The following PARD3 variants were observed in gnomAD, a reference collection of about 807,000 sequenced individuals.
PARD3 encodes par-3 family cell polarity regulator, also known as partitioning defective 3 homolog.
In PARD3, 75 loss-of-function variants were observed where a neutral mutation model predicts 155.4. That is an observed-to-expected ratio of 0.48 (90% confidence interval 0.40 to 0.58). PARD3 has a LOEUF of 0.58. Ranked by LOEUF, PARD3 falls within the 20% of genes least tolerant of loss-of-function variation. The pLI, the probability that PARD3 is intolerant of heterozygous loss-of-function variation, is 0.00. For synonymous variants in PARD3, 576 were observed against 610.5 expected (o/e 0.94, Z 0.83); for missense variants, 1,642 against 1,721.7 (o/e 0.95, Z 0.82).
chr10:34,616,014 G>A (rs1016527174), intron 2 of PARD3, among the ~76,000 whole-genome samples: 2 of 152,136 alleles, frequency 1.3e-5, no homozygotes, highest in African/African-American at 4.8e-5. Context: ...AATTAGTACA[G>A]CAATTATAGA....
At chr10:34,637,551 G>C (rs2092525442) in intron 2 of PARD3, among the ~76,000 whole-genome samples, 1 of 152,106 alleles carries the variant, frequency 6.6e-6, no homozygotes, top group Non-Finnish European at 1.5e-5. Flanking sequence ...TTTGTCACTG[G>C]GGGTTTCAGC....
rs541810157 is a variant in PARD3 at position 34,274,485 on chromosome 10, G to A, written c.3177-4586C>T. Among the ~76,000 whole-genome samples the A allele has an allele frequency of 5.3e-5, 8 of 152,128 alleles. No individual in the cohort carries two copies. The South Asian group carries it at 1.2e-3, about 24-fold the overall frequency. ...ATGAGTTCTTTCTTACATTCAATGG[G>A]ATATTAATTTGAAACTCAATTATGA... On this transcript the variant is annotated intron_variant, in intron 21 of 24. Coordinates refer to ENST00000374788, the MANE Select transcript of PARD3 (RefSeq NM_001184785.2).
chr10:34,631,900 G>A (rs897986992), intron 2 of PARD3, among the ~76,000 whole-genome samples: 5 of 152,178 alleles, frequency 3.3e-5, no homozygotes, highest in Non-Finnish European at 5.9e-5. Flanking sequence ...TCCAGCCGCC[G>A]CTGAGGTCTT....
At chr10:34,726,660 C>T (rs569743182) in intron 1 of PARD3, among the ~76,000 whole-genome samples, 29 of 152,058 alleles carry the variant, frequency 1.9e-4, no homozygotes, top group Admixed American at 1.8e-3. Flanking sequence ...ACTCAGGAGG[C>T]TGAGGCTGAG....
chr10:34,134,639 C>T (rs1947798088), intron 22 of PARD3, among the ~76,000 whole-genome samples: 1 of 152,228 alleles, frequency 6.6e-6, no homozygotes. Flanking sequence ...GTTTCACCCC[C>T]TTTTCCTCTG....
At chr10:34,460,522 T>A (rs1349092240) in intron 4 of PARD3, among the ~76,000 whole-genome samples, 2 of 152,152 alleles carry the variant, frequency 1.3e-5, no homozygotes, top group Non-Finnish European at 2.9e-5. Context: ...TCTCCAGGGC[T>A]CTACTTGCTC....
At chr10:34,180,832 G>C (rs1171834760) in intron 22 of PARD3, among the ~76,000 whole-genome samples, 1 of 152,110 alleles carries the variant, frequency 6.6e-6, no homozygotes, top group Non-Finnish European at 1.5e-5. Flanking sequence ...AAAGAGAGGG[G>C]AGTTGAGTTC....
intron 4 of PARD3, among the ~76,000 whole-genome samples, chr10:34,459,904 G>C (rs2077540300): frequency 1.3e-5 from 2 of 152,144 alleles, no homozygotes; most frequent in Admixed American, 1.3e-4. Flanking sequence ...GGTAATTTCT[G>C]TGAAAGTCCC....
intron 13 of PARD3, among the ~76,000 whole-genome samples, 154 bp from the exon 14 acceptor site, chr10:34,359,471 CATA>C (rs1839231625): frequency 6.6e-6 from 1 of 151,606 alleles, no homozygotes; most frequent in Non-Finnish European, 1.5e-5. Flanking sequence ...TGAACGCTGG[CATA>C]ATAACGTCTA....
chr10:34,504,113 T>TATAC (rs2080889718), intron 3 of PARD3, among the ~76,000 whole-genome samples: 1 of 151,950 alleles, frequency 6.6e-6, no homozygotes, highest in Non-Finnish European at 1.5e-5. Flanking sequence ...AGCCATGCAG[T>TATAC]ATACACACTG....
chr10:34,138,635 T>C (rs1016013892), intron 22 of PARD3, among the ~76,000 whole-genome samples: 3 of 152,202 alleles, frequency 2.0e-5, no homozygotes, highest in African/African-American at 7.2e-5. Context: ...TTTACTTAGT[T>C]TGCCAAGAGC....
intron 14 of PARD3, among the ~76,000 whole-genome samples, chr10:34,349,018 A>C (rs1306313094): frequency 2.0e-5 from 3 of 152,302 alleles, no homozygotes; most frequent in Middle Eastern, 3.4e-3. Flanking sequence ...ATTTAACTAC[A>C]ATCCTCATAA....
chr10:34,630,305 G>A (rs547585404), intron 2 of PARD3, among the ~76,000 whole-genome samples: 1 of 152,276 alleles, frequency 6.6e-6, no homozygotes, highest in East Asian at 1.9e-4. Flanking sequence ...AAAACACCCT[G>A]CCCAGATGTG....
intron 1 of PARD3, among the ~76,000 whole-genome samples, chr10:34,793,920 G>C (rs1294031597): frequency 6.6e-6 from 1 of 152,060 alleles, no homozygotes; most frequent in South Asian, 2.1e-4. Context: ...TTCAATTAGA[G>C]GTAAAGTATC....
At chr10:34,481,960 T>A (rs1187772598) in intron 3 of PARD3, among the ~76,000 whole-genome samples, 1 of 150,874 alleles carries the variant, frequency 6.6e-6, no homozygotes, top group Non-Finnish European at 1.5e-5. Context: ...GCCTCCTATG[T>A]AGCTGGGACC....
At chr10:34,515,972 C>CTTTTTTTT (rs11398185) in intron 3 of PARD3, among the ~76,000 whole-genome samples, 1 of 149,180 alleles carries the variant, frequency 6.7e-6, no homozygotes, top group Non-Finnish European at 1.5e-5. Flanking sequence ...ATAAATAATC[C>CTTTTTTTT]TTTTTTTTTT....
chr10:34,682,280 G>A (rs1163585141), intron 2 of PARD3, among the ~76,000 whole-genome samples: 2 of 146,704 alleles, frequency 1.4e-5, no homozygotes, highest in South Asian at 2.1e-4. Context: ...GAATTCTTGC[G>A]TGGTAGTGCA....
At chr10:34,801,029 C>T (rs1309460868) in intron 1 of PARD3, among the ~76,000 whole-genome samples, 1 of 152,148 alleles carries the variant, frequency 6.6e-6, no homozygotes, top group African/African-American at 2.4e-5. Context: ...AAAAATTCTC[C>T]GAATTATTTC....
intron 22 of PARD3, among the ~76,000 whole-genome samples, chr10:34,163,252 G>A (rs1411996326): frequency 6.6e-6 from 1 of 152,130 alleles, no homozygotes; most frequent in Non-Finnish European, 1.5e-5. Context: ...TCCACAGCCG[G>A]TGGGGGGGAG....
Sources: allele counts gnomAD v4.1 joint callset (sites outside exome capture counted in the v4.1 genomes callset), GRCh38; gene constraint gnomAD v4.1.1; transcripts MANE v1.5; gene names NCBI Gene and HGNC (gene_info 2026-07-23, HGNC 2026-07-21).